Variants in USP48 observed in about 807,000 individuals in gnomAD.
USP48 encodes the protein ubiquitin carboxyl-terminal hydrolase 48.
In USP48, 43 loss-of-function variants were observed where a neutral mutation model predicts 150.7. The observed-to-expected ratio is 0.29, with a 90% CI of 0.22 to 0.37. The LOEUF (loss-of-function observed/expected upper bound fraction) is 0.37, where lower values mean the gene tolerates loss of function less well. Ranked by LOEUF, USP48 falls within the 10% of genes least tolerant of loss-of-function variation. The pLI is 1.00. For missense variants in USP48, 813 were observed against 1,249.6 expected, an observed-to-expected ratio of 0.65 and a Z score of 5.27; for synonymous variants, 396 against 425.9, an observed-to-expected ratio of 0.93 and a Z score of 0.86.
At chr1:21,718,677 C>G (rs1461721471) in intron 14 of USP48, among the ~76,000 whole-genome samples, 1 of 151,848 alleles carries the variant, frequency 6.6e-6, no homozygotes, top group Non-Finnish European at 1.5e-5. Context: ...CCTGCCTCAG[C>G]CTCCTGAGTA....
intron 1 of USP48, among the ~76,000 whole-genome samples, chr1:21,774,742 A>G (rs1469931173): frequency 6.6e-6 from 1 of 151,910 alleles, no homozygotes; most frequent in Non-Finnish European, 1.5e-5. Context: ...CTGTAATCTC[A>G]ACACTTCGGG....
chr1:21,761,269 A>G (rs2097849407), intron 1 of USP48, among the ~76,000 whole-genome samples: 1 of 151,470 alleles, frequency 6.6e-6, no homozygotes, highest in African/African-American at 2.4e-5. Flanking sequence ...GCTATAAGTC[A>G]GAAGTAAATA....
intron 1 of USP48, among the ~76,000 whole-genome samples, chr1:21,765,291 T>C (rs1249487643): frequency 6.6e-6 from 1 of 152,196 alleles, no homozygotes; most frequent in Non-Finnish European, 1.5e-5. Context: ...GCTGTGATTT[T>C]AGGCCAGGGA....
At chr1:21,706,944 A>G in intron 15 of USP48, 76 bp from the exon 16 acceptor site, 2 of 1,468,208 alleles carry the variant, frequency 1.4e-6, no homozygotes, top group Non-Finnish European at 1.8e-6. Flanking sequence ...TATTTCTTAA[A>G]CTTAAGAAAA....
Position 21,719,629 on chromosome 1 carries a change from G to A in USP48, c.1894+1407C>T, listed in dbSNP as rs141896629. ...AAACTGGTCAGGCACGGTGGCTCAC[G>A]CCTGTAATCCCAACACTTTTGGGAG... On this transcript the variant is annotated intron_variant, in intron 14 of 26. Transcript: ENST00000308271. Among the ~76,000 whole-genome samples the A allele has an allele frequency of 6.3e-3, 955 of 152,178 alleles. 13 individuals are homozygous for A. Among genetic ancestry groups the A allele is most frequent in the African/African-American group, 0.02 (828 of 41,520 alleles).
intron 9 of USP48, among the ~76,000 whole-genome samples, chr1:21,731,936 A>C (rs2097757919): frequency 6.6e-6 from 1 of 152,144 alleles, no homozygotes; most frequent in African/African-American, 2.4e-5. Context: ...CTATGACGTA[A>C]ACAGCAACTG....
intron 15 of USP48, among the ~76,000 whole-genome samples, chr1:21,714,653 T>C (rs2097699498): frequency 6.6e-6 from 1 of 152,172 alleles, no homozygotes; most frequent in African/African-American, 2.4e-5. Context: ...GCTATTAGAA[T>C]AGAAAATTAT....
In USP48 at chr1:21,701,598, A is replaced by G. The variant is rs1184981012; in HGVS notation, c.2627T>C (p.Met876Thr). Reference sequence around the variant, plus strand: ...ATTCAGTTCCGGAGCCGAATCCTTCATCACCTGAATGTGCCAGGACAACAA... The same window carrying G: ...ATTCAGTTCCGGAGCCGAATCCTTCGTCACCTGAATGTGCCAGGACAACAA... ...VHKVVDNKKV[M>T]KDSAPELNVS... Residue 876 changes from methionine (M) to threonine (T), a missense_variant, in exon 22 of 27, where the codon ATG (methionine) becomes ACG (threonine). Met to Thr is a moderately conservative substitution (Grantham distance 81, BLOSUM62 -1). Transcript: ENST00000308271. The G allele has an allele frequency of 6.2e-7, 1 of 1,613,466 alleles. No individual in the cohort carries two copies. The highest frequency in any genetic ancestry group is 1.3e-5 in the African/African-American group (1 of 74,894).
chr1:21,681,674 T>C (rs377072123), intron 25 of USP48, among the ~76,000 whole-genome samples: 3 of 152,274 alleles, frequency 2.0e-5, no homozygotes, highest in African/African-American at 7.2e-5. Context: ...GAAGTGGTGT[T>C]TGTTGTTGTT....
At chr1:21,711,834 C>T (rs2097690929) in intron 15 of USP48, among the ~76,000 whole-genome samples, 1 of 152,148 alleles carries the variant, frequency 6.6e-6, no homozygotes, top group Non-Finnish European at 1.5e-5. Flanking sequence ...GAAAAATTAC[C>T]AAGAAACAAT....
intron 25 of USP48, chr1:21,685,904 G>A (rs2097579305): frequency 6.9e-6 from 1 of 145,766 alleles, no homozygotes; most frequent in African/African-American, 2.8e-5. Flanking sequence ...ATCACAGGGG[G>A]CCAGGAGTTC....
At chr1:21,680,256 G>T (rs865875810) in intron 26 of USP48, among the ~76,000 whole-genome samples, 1 of 152,316 alleles carries the variant, frequency 6.6e-6, no homozygotes, top group Middle Eastern at 3.4e-3. Context: ...AACGTCAGAG[G>T]TCTGTATTTG....
At chr1:21,701,914 G>A (rs539201932) in intron 21 of USP48, among the ~76,000 whole-genome samples, 1 of 152,268 alleles carries the variant, frequency 6.6e-6, no homozygotes, top group East Asian at 1.9e-4. Flanking sequence ...GTTCGAAGGT[G>A]CTTGACACCT....
chr1:21,767,959 G>A (rs2097866608), intron 1 of USP48, among the ~76,000 whole-genome samples: 1 of 152,166 alleles, frequency 6.6e-6, no homozygotes, highest in African/African-American at 2.4e-5. Context: ...TGCAATCCCA[G>A]CACTCTGGGA....
At chr1:21,700,618 GAAAGA>G (rs2097652723) in intron 22 of USP48, among the ~76,000 whole-genome samples, 1 of 152,126 alleles carries the variant, frequency 6.6e-6, no homozygotes. Context: ...TAGTAGTAAA[GAAAGA>G]AAACAAACAT....
At position 21,729,812 on chromosome 1, in the gene USP48, T is replaced by A; in HGVS notation, c.1192A>T (p.Thr398Ser). 3.1e-6 allele frequency: 5 copies of A among 1,614,102 alleles called. No homozygotes were observed. The highest frequency in any genetic ancestry group is 8.5e-7 in the Non-Finnish European group (1 of 1,179,970). Residue 398 changes from threonine to serine, a missense_variant, in exon 10 of 27, where the codon ACA becomes TCA. Thr to Ser is a moderately conservative substitution (Grantham distance 58, BLOSUM62 1). Coordinates refer to ENST00000308271, the MANE Select transcript of USP48 (RefSeq NM_032236.8). Reference sequence around the variant, plus strand: ...CCTTTGCCACACTTGGGTTTACGTGTCTGAGACTTAGAAGGTTCTGCTGAG... The same window carrying A: ...CCTTTGCCACACTTGGGTTTACGTGACTGAGACTTAGAAGGTTCTGCTGAG... ...EDLAEPSKSQ[T>S]RKPKCGKGTH...
chr1:21,727,235 T>C (rs951015809), intron 11 of USP48, among the ~76,000 whole-genome samples: 4 of 152,204 alleles, frequency 2.6e-5, no homozygotes, highest in Admixed American at 6.5e-5. Flanking sequence ...CCATGCTCAT[T>C]AACTTTGAGA....
intron 25 of USP48, chr1:21,681,194 C>G (rs1478662582): frequency 5.6e-6 from 1 of 177,458 alleles, no homozygotes; most frequent in African/African-American, 2.4e-5. Flanking sequence ...GAAGGAGTCA[C>G]TTTTGACTCA....
At chr1:21,751,642 C>A in intron 5 of USP48, 27 bp from the exon 6 acceptor site, 1 of 1,563,770 alleles carries the variant, frequency 6.4e-7, no homozygotes, top group South Asian at 1.1e-5. Flanking sequence ...CGACAAAATT[C>A]AGATCAGAGT....
Sources: gnomAD v4.1 joint callset for allele counts (sites outside exome capture counted in the v4.1 genomes callset) on GRCh38, gnomAD v4.1.1 for gene constraint, MANE v1.5 for transcripts, NCBI Gene and HGNC (gene_info 2026-07-23, HGNC 2026-07-21) for gene names.